Variants in SLC13A5 observed in about 807,000 individuals in gnomAD.
SLC13A5 encodes the protein solute carrier family 13 member 5.
Under a neutral mutation model 56.5 loss-of-function variants are expected in SLC13A5, and 25 were observed. The observed-to-expected ratio is 0.44, with a 90% confidence interval of 0.32 to 0.62. The LOEUF is 0.62. Among genes scored for constraint, SLC13A5 ranks in the 20% least tolerant of loss-of-function variants. The pLI is 0.04. For synonymous variants in SLC13A5, 307 were observed against 301.5 expected (o/e 1.02, Z -0.19); for missense variants, 649 against 737.8 (o/e 0.88, Z 1.39).
intron 7 of SLC13A5, chr17:6,695,381 C>T: frequency 4.4e-6 from 1 of 225,308 alleles, no homozygotes; most frequent in Non-Finnish European, 8.9e-6. Context: ...TGCACTAAGC[C>T]AGTGGTGTCT....
rs996312638 is a variant in SLC13A5 at position 6,686,441 on chromosome 17, A to C, written c.1576-103T>G. The C allele has an allele frequency of 1.9e-5, 28 of 1,477,300 alleles. No homozygotes were observed. The African/African-American group carries it at 3.2e-4, about 17-fold the overall frequency. 91.5% of individuals were successfully genotyped at this position (1,477,300 alleles called of 1,614,324 possible). A position where few individuals can be genotyped will look rare whatever the true frequency, so the allele number is the denominator to read the frequency against. ...CACTGGGCCTCGATGTCCCTGTGCC[A>C]TGCTCTGTCCCTGGCTGGGGTGTCC... On this transcript the variant is annotated intron_variant, in intron 11 of 11. Coordinates refer to ENST00000433363, the MANE Select transcript of SLC13A5 (RefSeq NM_177550.5).
At position 6,701,148 on chromosome 17, in the gene SLC13A5, C is replaced by T; in HGVS notation, c.717-22G>A. On this transcript the variant is annotated intron_variant, in intron 5 of 11. Coordinates refer to ENST00000433363, the MANE Select transcript of SLC13A5 (RefSeq NM_177550.5). The surrounding 1 kb of genome is among the most constrained non-coding windows in gnomAD (Gnocchi z 4.1). ...CAACCTACAAGAAGACACCGGCCCC[C>T]ACCTCAGATGCTGAGCTGTGGGAGC... is the stretch of plus-strand genomic sequence containing the variant. 6.2e-7 allele frequency: 1 copy of T among 1,612,824 alleles called. No individual in the cohort carries two copies. Among genetic ancestry groups the T allele is most frequent in the Non-Finnish European group, 8.5e-7 (1 of 1,179,502 alleles).
chr17:6,699,605 G>C (rs1189358927), intron 6 of SLC13A5, among the ~76,000 whole-genome samples: 1 of 152,130 alleles, frequency 6.6e-6, no homozygotes, highest in Non-Finnish European at 1.5e-5. Flanking sequence ...CAAGTAGCTG[G>C]GGTTACAGGC....
chr17:6,689,335 ACTC>A (rs1193402016), intron 10 of SLC13A5: 4 of 151,632 alleles, frequency 2.6e-5, no homozygotes, highest in Non-Finnish European at 5.9e-5. Flanking sequence ...TGCACCTCAC[ACTC>A]CTCTGCAGCC....
rs1973254623 is a variant in SLC13A5, at chr17:6,686,415, T to C, written c.1576-77A>G. 3.8e-6 allele frequency: 6 copies of C among 1,579,934 alleles called. No individual in the cohort carries two copies. In the South Asian group the frequency reaches 4.5e-5, roughly 12 times the overall value. ...TCAGAGAGGAGGACAAAGGGTCGGC[T>C]CACTGGGCCTCGATGTCCCTGTGCC... On this transcript the variant is annotated intron_variant, in intron 11 of 11. Coordinates refer to ENST00000433363, the MANE Select transcript of SLC13A5 (RefSeq NM_177550.5).
rs1973870853 is a variant in SLC13A5, at chr17:6,706,638, T to C, written c.368+4A>G. ...ACGTGGCAAGAGAGAGAAGGCGTAA[T>C]TACCGTGCAGGCTTGGCCCCCACCC... On this transcript the variant is annotated splice_donor_region_variant and intron_variant, in intron 3 of 11. Transcript: ENST00000433363. The C allele has an allele frequency of 3.1e-6, 5 of 1,613,056 alleles. No homozygotes were observed. The highest frequency in any genetic ancestry group is 3.4e-4 in the Middle Eastern group (2 of 5,884).
chr17:6,702,915 C>T, intron 5 of SLC13A5, 55 bp downstream of exon 5: 1 of 1,581,386 alleles, frequency 6.3e-7, no homozygotes, highest in Non-Finnish European at 8.6e-7. Context: ...TGGGCAGGTC[C>T]CTCCAGCCCC....
chr17:6,686,594 G>C, intron 11 of SLC13A5: 1 of 440,176 alleles, frequency 2.3e-6, no homozygotes, highest in Non-Finnish European at 4.2e-6. Context: ...TCAGAGAAGT[G>C]ACAGGAGGCA....
rs1256315225 is a variant in SLC13A5, at chr17:6,692,185, ATGGATAGATAGATGGG to A, written c.1275+843_1275+858del. On this transcript the variant is annotated intron_variant, in intron 9 of 11. Transcript: ENST00000433363. This position sits in a 1 kb window ranked among gnomAD's most constrained non-coding sequence, Gnocchi z 5.5. ...GATGGATAGATGGGTGGATGGATGG[ATGGATAGATAGATGGG>A]TGGATAGATAGATGGGTGGATGGAT... Among the ~76,000 whole-genome samples the A allele has an allele frequency of 8.0e-5, 12 of 150,916 alleles. 1 individual carries two copies. The highest frequency in any genetic ancestry group is 3.4e-3 in the Middle Eastern group (1 of 292).
At position 6,702,984 on chromosome 17, in the gene SLC13A5, C is replaced by G. The variant is rs1353818031; in HGVS notation, c.702G>C (p.Leu234=). 6.2e-7 allele frequency: 1 copy of G among 1,614,004 alleles called. No individual in the cohort carries two copies. The highest frequency in any genetic ancestry group is 1.3e-5 in the African/African-American group (1 of 74,936). Residue 234 remains leucine, a synonymous_variant, in exon 5 of 12, where the codon CTG becomes CTC. Coordinates refer to ENST00000433363, the MANE Select transcript of SLC13A5 (RefSeq NM_177550.5). ...LTGTGPNVVL[L]GQMNELFPDS... ...CAAGGACTCACTCGTTCATCTGGCC[C>G]AGGAGCACCACGTTGGGTCCCGTCC...
rs1315232118 is a variant in SLC13A5 at position 6,687,543 on chromosome 17, T to C, written c.1561A>G (p.Lys521Glu). 3 of 1,613,410 alleles carry C rather than the reference T, an allele frequency of 1.9e-6. No homozygotes were observed. Among genetic ancestry groups the C allele is most frequent in the South Asian group, 2.2e-5 (2 of 90,856 alleles). The part of the protein sequence containing the change: ...NAIVFTYGHL[K>E]VADMVKTGVI... ...AGCTGTGTTACCATGTCAGCAACCT[T>C]GAGGTGCCCATAGGTGAACACGATG... The change falls in exon 11 of 12, where the codon AAG becomes GAG. Residue 521 changes from lysine to glutamate, a missense_variant. Coordinates refer to ENST00000433363, the MANE Select transcript of SLC13A5 (RefSeq NM_177550.5). The surrounding 1 kb of genome is among the most constrained non-coding windows in gnomAD (Gnocchi z 5.0).
chr17:6,704,576 G>A (rs2151495890), intron 3 of SLC13A5: 1 of 254,788 alleles, frequency 3.9e-6, no homozygotes, highest in East Asian at 9.0e-5. Flanking sequence ...GAGGGAGCTT[G>A]GGAAAGTGTG....
At position 6,708,007 on chromosome 17, in the gene SLC13A5, C is replaced by A. The variant is rs1224382604; in HGVS notation, c.103-851G>T. Among the ~76,000 whole-genome samples the A allele has an allele frequency of 2.0e-5, 3 of 152,146 alleles. No homozygotes were observed. The East Asian group carries it at 5.8e-4, about 29-fold the overall frequency. On this transcript the variant is annotated intron_variant, in intron 1 of 11. Coordinates refer to ENST00000433363, the MANE Select transcript of SLC13A5 (RefSeq NM_177550.5). Reference sequence around the variant, plus strand: ...GTGTGTGTGTGACAGAGTTTCGATCCTGTTGCCCAGGCTGGAGTGCAATGG... The same window carrying A: ...GTGTGTGTGTGACAGAGTTTCGATCATGTTGCCCAGGCTGGAGTGCAATGG...
At chr17:6,708,156 G>C (rs1973922321) in intron 1 of SLC13A5, among the ~76,000 whole-genome samples, 1 of 152,222 alleles carries the variant, frequency 6.6e-6, no homozygotes, top group Non-Finnish European at 1.5e-5. Context: ...TTTTAGTAGA[G>C]ACGGGGTTTT....
At chr17:6,694,486 C>G (rs926925009) in intron 7 of SLC13A5, among the ~76,000 whole-genome samples, 3 of 152,090 alleles carry the variant, frequency 2.0e-5, no homozygotes, top group African/African-American at 7.2e-5. Flanking sequence ...GACATGCTGG[C>G]GGGCGCCTGT....
intron 4 of SLC13A5, 126 bp from the exon 5 acceptor site, chr17:6,703,264 G>A: frequency 8.4e-7 from 1 of 1,196,576 alleles, no homozygotes; most frequent in Non-Finnish European, 1.2e-6. Flanking sequence ...CTGCCCCACT[G>A]GGCTCCATAA....
chr17:6,695,150 A>G (rs1481675712), intron 7 of SLC13A5, among the ~76,000 whole-genome samples: 1 of 152,202 alleles, frequency 6.6e-6, no homozygotes, highest in Non-Finnish European at 1.5e-5. Context: ...TGCCTGGCCA[A>G]GGATTTTCTG....
chr17:6,709,050 G>A (rs1973947759), intron 1 of SLC13A5, among the ~76,000 whole-genome samples: 1 of 148,144 alleles, frequency 6.8e-6, no homozygotes, highest in African/African-American at 2.5e-5. Flanking sequence ...GAGTGAAGTG[G>A]CACGGTCACA....
chr17:6,701,096 G>T lies in SLC13A5; in HGVS notation c.747C>A (p.Asn249Lys), dbSNP rs934417532. 4 of 1,614,168 alleles carry T rather than the reference G, an allele frequency of 2.5e-6. No individual in the cohort carries two copies. The highest frequency in any genetic ancestry group is 3.4e-6 in the Non-Finnish European group (4 of 1,180,018). Reference protein sequence around the residue: ...ELFPDSKDLVNFASWFAFAFP... With the variant: ...ELFPDSKDLVKFASWFAFAFP... ...AGGCAAATGCAAACCAGGAAGCAAA[G>T]TTCACGAGGTCCTTGCTGTCAGGAA... The change falls in exon 6 of 12, where the codon AAC becomes AAA. Residue 249 changes from asparagine to lysine, a missense_variant. Asn to Lys is a moderately conservative substitution (Grantham distance 94, BLOSUM62 0). Coordinates refer to ENST00000433363, the MANE Select transcript of SLC13A5 (RefSeq NM_177550.5). This position sits in a 1 kb window ranked among gnomAD's most constrained non-coding sequence, Gnocchi z 4.1.
Sources: allele counts gnomAD v4.1 joint callset (sites outside exome capture counted in the v4.1 genomes callset), GRCh38; gene constraint gnomAD v4.1.1; non-coding constraint Gnocchi (gnomAD v3.1); transcripts MANE v1.5; gene names NCBI Gene and HGNC (gene_info 2026-07-23, HGNC 2026-07-21).